The following BICC1 variants were observed in gnomAD, a reference collection of about 807,000 sequenced individuals.
BICC1 encodes the protein protein bicaudal C homolog 1.
Under a neutral mutation model 111.0 loss-of-function variants are expected in BICC1, and 43 were observed. That is an observed-to-expected ratio of 0.39 (90% CI 0.30 to 0.50). BICC1 has a LOEUF of 0.50. Ranked by LOEUF, BICC1 falls within the 20% of genes least tolerant of loss-of-function variation. BICC1 has a pLI of 0.88. For synonymous variants in BICC1, 467 were observed against 434.4 expected (o/e 1.07, Z -0.93); for missense variants, 1,091 against 1,203.2 (o/e 0.91, Z 1.38).
intron 2 of BICC1, among the ~76,000 whole-genome samples, chr10:58,671,598 T>A (rs1029414975): frequency 6.6e-6 from 1 of 152,140 alleles, no homozygotes; most frequent in Non-Finnish European, 1.5e-5. Flanking sequence ...GGGTTCCAAT[T>A]GGGACAAATT....
intron 1 of BICC1, 40 bp downstream of exon 1, chr10:58,513,373 T>A: frequency 6.6e-7 from 1 of 1,515,930 alleles, no homozygotes; most frequent in Non-Finnish European, 8.9e-7. Context: ...CGACTGAGCC[T>A]CTAACTCCTT....
At chr10:58,781,478 A>G (rs2132767428) in intron 3 of BICC1, among the ~76,000 whole-genome samples, 1 of 152,270 alleles carries the variant, frequency 6.6e-6, no homozygotes, top group African/African-American at 2.4e-5. Flanking sequence ...ATTTTTTTTT[A>G]AGAGTAAATG....
At chr10:58,756,584 C>T (rs1438766044) in intron 3 of BICC1, among the ~76,000 whole-genome samples, 1 of 147,442 alleles carries the variant, frequency 6.8e-6, no homozygotes, top group Non-Finnish European at 1.5e-5. Context: ...TCGCACTTCT[C>T]AAGGAGTTCT....
intron 3 of BICC1, among the ~76,000 whole-genome samples, chr10:58,769,676 C>A (rs1038692725): frequency 2.0e-5 from 3 of 151,734 alleles, no homozygotes; most frequent in Non-Finnish European, 2.9e-5. Flanking sequence ...CAGTTCTAAA[C>A]CTAGGGATCA....
At chr10:58,663,412 C>G (rs948254117) in intron 2 of BICC1, among the ~76,000 whole-genome samples, 33 of 152,150 alleles carry the variant, frequency 2.2e-4, no homozygotes, top group African/African-American at 7.7e-4. Context: ...CTCCCAACTT[C>G]TAGCACTGGA....
chr10:58,817,954 GCTGT>G lies in BICC1; in HGVS notation c.2694+235_2694+238del, dbSNP rs568556432. On this transcript the variant is annotated intron_variant, in intron 19 of 20. Transcript: ENST00000373886. The stretch of plus-strand genomic sequence containing the variant: ...CATACTTGCAGAAAAATGTACAATA[GCTGT>G]CTAACAGTTTTAGCAATAAAACCCA... 6.6e-5 allele frequency among the ~76,000 whole-genome samples: 10 copies of G among 152,248 alleles called. No individual in the cohort carries two copies. In the East Asian group the frequency reaches 1.9e-3, roughly 29 times the overall value.
chr10:58,823,827 T>C, intron 20 of BICC1: 9 of 985,278 alleles, frequency 9.1e-6, no homozygotes, highest in Non-Finnish European at 1.1e-5. Flanking sequence ...TTCTTAACGC[T>C]TCTATAAGTT....
chr10:58,745,963 A>G (rs535474131), intron 3 of BICC1, among the ~76,000 whole-genome samples: 6 of 152,208 alleles, frequency 3.9e-5, no homozygotes, highest in South Asian at 2.1e-4. Flanking sequence ...CTAATATTCT[A>G]TCTATTTTGG....
intron 3 of BICC1, among the ~76,000 whole-genome samples, chr10:58,769,372 A>ATGTG (rs779396611): frequency 4.6e-5 from 4 of 86,240 alleles, no homozygotes; most frequent in Admixed American, 1.5e-4. Context: ...TAGTTTTATA[A>ATGTG]TGTATGTGTG....
At chr10:58,671,832 T>A (rs552636728) in intron 2 of BICC1, among the ~76,000 whole-genome samples, 9 of 152,326 alleles carry the variant, frequency 5.9e-5, no homozygotes, top group Middle Eastern at 3.4e-3. Context: ...GTACCCATGA[T>A]CTGTTTCAAA....
chr10:58,573,692 T>C (rs892575686), intron 1 of BICC1, among the ~76,000 whole-genome samples: 1 of 152,150 alleles, frequency 6.6e-6, no homozygotes, highest in African/African-American at 2.4e-5. Flanking sequence ...TGTTCTCTAA[T>C]GTCAGTGAGG....
At chr10:58,742,496 G>A (rs929099321) in intron 3 of BICC1, among the ~76,000 whole-genome samples, 8 of 144,350 alleles carry the variant, frequency 5.5e-5, no homozygotes, top group Non-Finnish European at 1.0e-4. Context: ...GGAGTGCAGT[G>A]GCACAATCTC....
At chr10:58,692,127 G>T (rs1438084823) in intron 2 of BICC1, among the ~76,000 whole-genome samples, 2 of 152,102 alleles carry the variant, frequency 1.3e-5, no homozygotes, top group Non-Finnish European at 2.9e-5. Context: ...TATTGTTAAA[G>T]AAATGAGCAC....
chr10:58,827,302 A>G (rs1192771459), intron 20 of BICC1, among the ~76,000 whole-genome samples: 1 of 152,230 alleles, frequency 6.6e-6, no homozygotes, highest in East Asian at 1.9e-4. Flanking sequence ...CATTGTTGAT[A>G]CAGAAAAAGC....
intron 3 of BICC1, among the ~76,000 whole-genome samples, chr10:58,702,626 G>A (rs2132452493): frequency 6.6e-6 from 1 of 152,070 alleles, no homozygotes; most frequent in South Asian, 2.1e-4. Flanking sequence ...TAGGCTGAGT[G>A]TTTCCCTTGC....
intron 2 of BICC1, among the ~76,000 whole-genome samples, chr10:58,636,898 G>A (rs534307270): frequency 6.6e-6 from 1 of 152,088 alleles, no homozygotes; most frequent in Non-Finnish European, 1.5e-5. Flanking sequence ...AAATGCGAGA[G>A]ATGATTTGAT....
intron 3 of BICC1, among the ~76,000 whole-genome samples, chr10:58,702,607 T>C (rs1331516305): frequency 6.6e-6 from 1 of 152,186 alleles, no homozygotes; most frequent in Non-Finnish European, 1.5e-5. Context: ...ACCCACTAGA[T>C]TTCTCTTTTA....
intron 1 of BICC1, among the ~76,000 whole-genome samples, chr10:58,597,157 A>G (rs1023237673): frequency 2.0e-5 from 3 of 152,118 alleles, no homozygotes; most frequent in East Asian, 1.9e-4. Flanking sequence ...AAAGAGAGCA[A>G]TTTTACAGCT....
At chr10:58,551,690 A>G (rs1843299224) in intron 1 of BICC1, among the ~76,000 whole-genome samples, 1 of 151,976 alleles carries the variant, frequency 6.6e-6, no homozygotes, top group African/African-American at 2.4e-5. Context: ...TCATTCTACT[A>G]TTTGTTTCTG....
Sources: gnomAD v4.1 joint callset for allele counts (sites outside exome capture counted in the v4.1 genomes callset) on GRCh38, gnomAD v4.1.1 for gene constraint, MANE v1.5 for transcripts, NCBI Gene and HGNC (gene_info 2026-07-23, HGNC 2026-07-21) for gene names.